The following ROCK1 variants were observed in gnomAD, a reference collection of about 807,000 sequenced individuals.
ROCK1 encodes rho-associated protein kinase 1.
ROCK1 carries 36 observed loss-of-function variants against 196.8 expected under a neutral mutation model. The ratio of observed to expected loss-of-function variants is 0.18; its 90% confidence interval spans 0.14 to 0.24. The LOEUF is 0.24. Ranked by LOEUF, ROCK1 falls within the 10% of genes least tolerant of loss-of-function variation. ROCK1 has a pLI of 1.00. For missense variants in ROCK1, 920 were observed against 1,562.0 expected (o/e 0.59, Z 6.93); for synonymous variants, 443 against 515.9 (o/e 0.86, Z 1.91).
intron 4 of ROCK1, among the ~76,000 whole-genome samples, chr18:21,046,329 G>A (rs897915394): frequency 2.0e-5 from 3 of 152,178 alleles, no homozygotes; most frequent in African/African-American, 7.2e-5. Flanking sequence ...TATACCTGCT[G>A]CTTAGTCAAG....
At chr18:21,057,769 C>A (rs539731266) in intron 2 of ROCK1, among the ~76,000 whole-genome samples, 1 of 151,938 alleles carries the variant, frequency 6.6e-6, no homozygotes, top group Admixed American at 6.6e-5. Flanking sequence ...TGCAGTAAGC[C>A]GAGTTTGGGC....
At chr18:21,033,645 A>C (rs2143488136) in intron 9 of ROCK1, among the ~76,000 whole-genome samples, 1 of 152,158 alleles carries the variant, frequency 6.6e-6, no homozygotes, top group South Asian at 2.1e-4. Flanking sequence ...GCAGGTTACA[A>C]GATCAGAAAT....
chr18:20,996,073 G>C (rs944295393), intron 16 of ROCK1, among the ~76,000 whole-genome samples: 1 of 152,182 alleles, frequency 6.6e-6, no homozygotes, highest in Non-Finnish European at 1.5e-5. Flanking sequence ...ACTAAATAAG[G>C]CCCCAGGGAC....
chr18:20,970,275 C>T, intron 23 of ROCK1, 73 bp downstream of exon 23: 1 of 1,161,372 alleles, frequency 8.6e-7, no homozygotes, highest in Non-Finnish European at 1.3e-6. Flanking sequence ...CACACACTTA[C>T]CCTAATATTT....
intron 22 of ROCK1, 46 bp downstream of exon 22, chr18:20,979,864 T>C (rs1480571049): frequency 1.1e-5 from 17 of 1,496,690 alleles, no homozygotes; most frequent in Non-Finnish European, 1.4e-5. Context: ...AACTTAAGAA[T>C]GCCTGTTGCA....
In ROCK1 at chr18:20,996,804, TG is replaced by T. The variant is rs557981815; in HGVS notation, c.1886-3868del. Among the ~76,000 whole-genome samples, 14 of 152,266 alleles carry T rather than the reference TG, an allele frequency of 9.2e-5. No individual in the cohort carries two copies. In the South Asian group the frequency reaches 2.9e-3, roughly 32 times the overall value. ...TAAGATGCAGGGGACTAAGTTAAAGTGTAGAGTTTGTATTAGTTTTCTCTTT... is the reference window on the plus strand; with the variant it reads ...TAAGATGCAGGGGACTAAGTTAAAGTTAGAGTTTGTATTAGTTTTCTCTTT... On this transcript the variant is annotated intron_variant, in intron 16 of 32. Coordinates refer to ENST00000399799, the MANE Select transcript of ROCK1 (RefSeq NM_005406.3).
rs1384446395 is a variant in ROCK1, at chr18:21,049,211, T to C, written c.295A>G (p.Arg99Gly). The change falls in exon 4 of 33, where the codon AGG becomes GGG. Residue 99 changes from arginine to glycine, a missense_variant. By Grantham distance (125) the Arg-to-Gly change is moderately radical. Coordinates refer to ENST00000399799, the MANE Select transcript of ROCK1 (RefSeq NM_005406.3). ...AGAAGCTTCATAGCATATACCTTCCTGGTGGATTTATGCCTTACCTTTAAA... is the reference window on the plus strand; with the variant it reads ...AGAAGCTTCATAGCATATACCTTCCCGGTGGATTTATGCCTTACCTTTAAA... ...EVQLVRHKST[R>G]KVYAMKLLSK... The C allele has an allele frequency of 1.9e-6, 3 of 1,601,922 alleles. No homozygotes were observed. The highest frequency in any genetic ancestry group is 3.4e-5 in the Admixed American group (2 of 58,452).
At chr18:21,023,884 ATAG>A (rs963717418) in intron 10 of ROCK1, among the ~76,000 whole-genome samples, 42 of 152,304 alleles carry the variant, frequency 2.8e-4, no homozygotes, top group African/African-American at 9.1e-4. Context: ...AGGTCTAAAA[ATAG>A]TAGCAGCCTG....
chr18:21,004,389 T>A (rs770213902), intron 16 of ROCK1, among the ~76,000 whole-genome samples: 39 of 152,192 alleles, frequency 2.6e-4, no homozygotes, highest in Non-Finnish European at 3.8e-4. Context: ...GTGATTTTTT[T>A]AAAAACCCAC....
rs1568363856 is a variant in ROCK1, at chr18:20,949,118, CA to C, written c.*2265del. The C allele has an allele frequency of 6.6e-6, 1 of 152,212 alleles. No homozygotes were observed. Among genetic ancestry groups the C allele is most frequent in the African/African-American group, 2.4e-5 (1 of 41,430 alleles). 9.4% of individuals were successfully genotyped at this position (152,212 alleles called of 1,614,324 possible). On this transcript the variant is annotated 3_prime_UTR_variant, in exon 33 of 33. Coordinates refer to ENST00000399799, the MANE Select transcript of ROCK1 (RefSeq NM_005406.3). ...GATTCCTCAAAGCTCTCTCAGTTCTCAACAATTCTAAGTTCAGATTAGTATG... is the reference window on the plus strand; with the variant it reads ...GATTCCTCAAAGCTCTCTCAGTTCTCACAATTCTAAGTTCAGATTAGTATG...
intron 4 of ROCK1, among the ~76,000 whole-genome samples, chr18:21,046,020 C>T (rs1466202883): frequency 6.7e-6 from 1 of 149,682 alleles, no homozygotes; most frequent in Admixed American, 6.7e-5. Flanking sequence ...ACGCCATTCT[C>T]CTACCTCAGC....
chr18:21,097,350 C>A (rs1451916916), intron 1 of ROCK1, among the ~76,000 whole-genome samples: 10 of 152,222 alleles, frequency 6.6e-5, no homozygotes, highest in Non-Finnish European at 1.5e-4. Flanking sequence ...TAAAGTATCA[C>A]ACTCTACTTT....
At chr18:21,067,107 T>C (rs2143546009) in intron 2 of ROCK1, among the ~76,000 whole-genome samples, 1 of 152,334 alleles carries the variant, frequency 6.6e-6, no homozygotes, top group South Asian at 2.1e-4. Flanking sequence ...TAGAAAGTTT[T>C]AATCATTCTA....
Position 20,969,001 on chromosome 18 carries a change from T to C in ROCK1, c.2914+114A>G, listed in dbSNP as rs2035400561. 5 of 874,796 alleles carry C rather than the reference T, an allele frequency of 5.7e-6. No individual in the cohort carries two copies. In the Admixed American group the frequency reaches 6.9e-5, roughly 12 times the overall value. The allele number at this position is 874,796 out of a possible 1,614,324, so 54.2% of individuals were successfully genotyped here. Reference sequence around the variant, plus strand: ...ACTTCATTAAGATAATTCTTAAGGCTACAGAAGTTACTTAATATATGAAAA... The same window carrying C: ...ACTTCATTAAGATAATTCTTAAGGCCACAGAAGTTACTTAATATATGAAAA... On this transcript the variant is annotated intron_variant, in intron 24 of 32. Transcript: ENST00000399799.
chr18:21,092,791 T>C (rs1049648858), intron 1 of ROCK1, among the ~76,000 whole-genome samples: 6 of 152,214 alleles, frequency 3.9e-5, no homozygotes, highest in African/African-American at 1.4e-4. Flanking sequence ...CTAATGTGAC[T>C]GGATCCATCA....
chr18:20,968,259 C>T (rs1598511391), intron 25 of ROCK1, among the ~76,000 whole-genome samples: 1 of 152,046 alleles, frequency 6.6e-6, no homozygotes, highest in Admixed American at 6.6e-5. Context: ...TTATCTTCTA[C>T]AACTATACAA....
At chr18:21,011,971 T>A (rs2035822025) in intron 13 of ROCK1, among the ~76,000 whole-genome samples, 1 of 152,092 alleles carries the variant, frequency 6.6e-6, no homozygotes, top group Admixed American at 6.6e-5. Context: ...GGAGACAGAG[T>A]CTTGCTGTGT....
intron 1 of ROCK1, among the ~76,000 whole-genome samples, chr18:21,071,517 C>T (rs945198783): frequency 6.6e-6 from 1 of 152,044 alleles, no homozygotes; most frequent in African/African-American, 2.4e-5. Flanking sequence ...ATTATCTAAG[C>T]AAGTGCATGG....
chr18:20,956,198 A>T (rs182256266), intron 29 of ROCK1, among the ~76,000 whole-genome samples: 1 of 152,164 alleles, frequency 6.6e-6, no homozygotes, highest in African/African-American at 2.4e-5. Flanking sequence ...AGAGAGAGAA[A>T]GAGAGGGAAG....
Sources: allele counts gnomAD v4.1 joint callset (sites outside exome capture counted in the v4.1 genomes callset), GRCh38; gene constraint gnomAD v4.1.1; transcripts MANE v1.5; gene names NCBI Gene and HGNC (gene_info 2026-07-23, HGNC 2026-07-21).